The following AP3B1 variants were observed in gnomAD, a reference collection of about 807,000 sequenced individuals.
AP3B1 encodes AP-3 complex subunit beta-1.
In AP3B1, 61 loss-of-function variants were observed where a neutral mutation model predicts 132.5. The ratio of observed to expected loss-of-function variants is 0.46; its 90% CI spans 0.37 to 0.57. The LOEUF (loss-of-function observed/expected upper bound fraction) is 0.57, where lower values mean the gene tolerates loss of function less well. AP3B1 is among the 20% of genes least tolerant of loss of function. The pLI is 0.00. For missense variants in AP3B1, 1,120 were observed against 1,289.4 expected (o/e 0.87, Z 2.01); for synonymous variants, 388 against 438.3 (o/e 0.89, Z 1.43).
chr5:78,172,921 C>T (rs1382446632), intron 11 of AP3B1, among the ~76,000 whole-genome samples: 1 of 152,168 alleles, frequency 6.6e-6, no homozygotes, highest in Non-Finnish European at 1.5e-5. Context: ...TCCCTCTACA[C>T]ACTGCTTTAA....
chr5:78,045,448 A>G (rs1282665392), intron 22 of AP3B1, among the ~76,000 whole-genome samples: 2 of 151,922 alleles, frequency 1.3e-5, no homozygotes, highest in African/African-American at 4.8e-5. Context: ...CTTGTTTCCT[A>G]AGTTTATACA....
chr5:78,285,353 T>C (rs1749231572), intron 1 of AP3B1, among the ~76,000 whole-genome samples: 1 of 151,996 alleles, frequency 6.6e-6, no homozygotes, highest in Non-Finnish European at 1.5e-5. Flanking sequence ...CTTGTCACGG[T>C]CACCAAAGTC....
In AP3B1 at chr5:78,181,767, C is replaced by T. The variant is rs1368916813; in HGVS notation, c.787-105G>A. The T allele has an allele frequency of 2.9e-5, 27 of 929,178 alleles. No individual in the cohort carries two copies. The South Asian group carries it at 3.8e-4, about 13-fold the overall frequency. 57.6% of individuals were successfully genotyped at this position (929,178 alleles called of 1,614,324 possible). ...TTTAAACATCTATAACAACATTTTACCGTAGAATACTTCTGTTTGGGCAAT... is the reference window on the plus strand; with the variant it reads ...TTTAAACATCTATAACAACATTTTATCGTAGAATACTTCTGTTTGGGCAAT... On this transcript the variant is annotated intron_variant, in intron 7 of 26. Transcript: ENST00000255194.
chr5:78,091,399 G>A (rs1410065779), intron 21 of AP3B1, among the ~76,000 whole-genome samples: 1 of 152,102 alleles, frequency 6.6e-6, no homozygotes, highest in Non-Finnish European at 1.5e-5. Flanking sequence ...CCTGGAGGTT[G>A]GATGGGGAGG....
intron 21 of AP3B1, among the ~76,000 whole-genome samples, chr5:78,090,483 C>G (rs1750464446): frequency 6.6e-6 from 1 of 152,230 alleles, no homozygotes; most frequent in South Asian, 2.1e-4. Flanking sequence ...CTCTGCCTTG[C>G]TCATCTTGCA....
intron 17 of AP3B1, 66 bp downstream of exon 17, chr5:78,127,964 A>G: frequency 2.5e-6 from 4 of 1,578,978 alleles, no homozygotes; most frequent in South Asian, 1.1e-5. Flanking sequence ...GCTTTTATAT[A>G]AAACAATAGC....
At chr5:78,010,324 G>A (rs987805162) in intron 26 of AP3B1, among the ~76,000 whole-genome samples, 5 of 152,186 alleles carry the variant, frequency 3.3e-5, no homozygotes, top group Non-Finnish European at 7.4e-5. Flanking sequence ...GTGGACTTCG[G>A]AACATTTGCC....
intron 20 of AP3B1, among the ~76,000 whole-genome samples, chr5:78,102,383 A>C (rs573268394): frequency 6.6e-6 from 1 of 152,228 alleles, no homozygotes; most frequent in African/African-American, 2.4e-5. Context: ...AAAAGGCACT[A>C]ATTTTATTCT....
At chr5:78,176,403 G>T (rs1744149724) in intron 9 of AP3B1, among the ~76,000 whole-genome samples, 1 of 151,866 alleles carries the variant, frequency 6.6e-6, no homozygotes, top group Non-Finnish European at 1.5e-5. Flanking sequence ...TATACAGATA[G>T]GGAGAATAGG....
At chr5:78,117,467 G>A (rs377486750) in intron 17 of AP3B1, among the ~76,000 whole-genome samples, 15 of 151,782 alleles carry the variant, frequency 9.9e-5, no homozygotes, top group Admixed American at 5.3e-4. Flanking sequence ...CCACCACCAC[G>A]CCCAGCTAAT....
chr5:78,052,945 C>T (rs1207434848), intron 22 of AP3B1, among the ~76,000 whole-genome samples: 2 of 152,132 alleles, frequency 1.3e-5, no homozygotes, highest in African/African-American at 4.8e-5. Flanking sequence ...TAAAAACAGA[C>T]TGAATTTGAC....
intron 22 of AP3B1, among the ~76,000 whole-genome samples, chr5:78,044,841 AT>A (rs1180258002): frequency 6.6e-6 from 1 of 152,212 alleles, no homozygotes; most frequent in Non-Finnish European, 1.5e-5. Flanking sequence ...ATCAAAAAAT[AT>A]GTTAAGGGAT....
At chr5:78,003,846 G>A (rs538563449) in intron 26 of AP3B1, among the ~76,000 whole-genome samples, 8 of 152,298 alleles carry the variant, frequency 5.3e-5, no homozygotes, top group African/African-American at 1.4e-4. Context: ...CTGAAAAGCC[G>A]TTGCAGGCAT....
In AP3B1 at chr5:78,039,803, G is replaced by A. The variant is rs1431491065; in HGVS notation, c.2578-529C>T. On this transcript the variant is annotated intron_variant, in intron 22 of 26. Transcript: ENST00000255194. ...AAAAAAAAAAAAAAAGAAAAGAAAA[G>A]AAAAAAAAAAGAAATTTTTCTGTAA... Among the ~76,000 whole-genome samples, 1,202 of 129,624 alleles carry A rather than the reference G, an allele frequency of 9.3e-3. 15 individuals are homozygous for A. Among genetic ancestry groups the A allele is most frequent in the Middle Eastern group, 0.024 (6 of 250 alleles). 85.0% of individuals were successfully genotyped at this position (129,624 alleles called of 152,430 possible). A position where few individuals can be genotyped will look rare whatever the true frequency, so the allele number is the denominator to read the frequency against.
At chr5:78,049,636 C>T (rs568997942) in intron 22 of AP3B1, among the ~76,000 whole-genome samples, 195 of 152,270 alleles carry the variant, frequency 1.3e-3, no homozygotes, top group Middle Eastern at 3.4e-3. Flanking sequence ...AATAATCTGG[C>T]TATTTCTCAC....
At chr5:78,169,282 C>A (rs1743802368) in intron 11 of AP3B1, among the ~76,000 whole-genome samples, 1 of 152,144 alleles carries the variant, frequency 6.6e-6, no homozygotes, top group African/African-American at 2.4e-5. Context: ...ACCCTTCGAC[C>A]TCCCAATCAA....
chr5:78,288,065 T>C (rs1749357226), intron 1 of AP3B1, among the ~76,000 whole-genome samples: 1 of 152,234 alleles, frequency 6.6e-6, no homozygotes, highest in African/African-American at 2.4e-5. Context: ...ATGTCATGCT[T>C]ATGACTCAGG....
At chr5:78,222,758 G>A (rs1004977032) in intron 6 of AP3B1, among the ~76,000 whole-genome samples, 6 of 151,356 alleles carry the variant, frequency 4.0e-5, no homozygotes, top group African/African-American at 7.3e-5. Flanking sequence ...CCAACACAAC[G>A]AGTTCAAAGA....
chr5:78,280,554 T>C (rs1416457424), intron 1 of AP3B1, among the ~76,000 whole-genome samples: 1 of 152,136 alleles, frequency 6.6e-6, no homozygotes, highest in Non-Finnish European at 1.5e-5. Flanking sequence ...GTGCATCAAG[T>C]TTGAGTATTA....
Sources: gnomAD v4.1 joint callset for allele counts (sites outside exome capture counted in the v4.1 genomes callset) on GRCh38, gnomAD v4.1.1 for gene constraint, MANE v1.5 for transcripts, NCBI Gene and HGNC (gene_info 2026-07-23, HGNC 2026-07-21) for gene names.